SVEP1: variants seen among roughly 807,000 people sequenced by gnomAD.
The protein encoded by SVEP1 is sushi, von Willebrand factor type A, EGF and pentraxin domain-containing protein 1.
In SVEP1, 164 loss-of-function variants were observed where a neutral mutation model predicts 367.3. The ratio of observed to expected loss-of-function variants is 0.45; its 90% confidence interval spans 0.39 to 0.51. The LOEUF (loss-of-function observed/expected upper bound fraction) is 0.51. Ranked by LOEUF, SVEP1 falls within the 20% of genes least tolerant of loss-of-function variation. The pLI is 0.00. For missense variants in SVEP1, 4,117 were observed against 4,425.3 expected (o/e 0.93, Z 1.98); for synonymous variants, 1,666 against 1,611.6 (o/e 1.03, Z -0.81).
chr9:110,423,735 A>G (rs1481834527), intron 36 of SVEP1, among the ~76,000 whole-genome samples: 1 of 152,246 alleles, frequency 6.6e-6, no homozygotes, highest in Non-Finnish European at 1.5e-5. Flanking sequence ...TAAGCAGAAT[A>G]TCTTTGCAAC....
At chr9:110,578,296 T>C (rs2118897267) in intron 1 of SVEP1, among the ~76,000 whole-genome samples, 1 of 152,142 alleles carries the variant, frequency 6.6e-6, no homozygotes. Context: ...AAAGTATGAA[T>C]GGATGTACAT....
chr9:110,502,044 A>G (rs1246424184), intron 6 of SVEP1, among the ~76,000 whole-genome samples: 1 of 151,810 alleles, frequency 6.6e-6, no homozygotes, highest in African/African-American at 2.4e-5. Flanking sequence ...CCTCAAGAAT[A>G]TGAATTGGCT....
At chr9:110,521,005 C>T (rs984935103) in intron 3 of SVEP1, among the ~76,000 whole-genome samples, 11 of 152,214 alleles carry the variant, frequency 7.2e-5, no homozygotes, top group African/African-American at 1.4e-4. Flanking sequence ...AATCTGGGCC[C>T]GCATTCTCTT....
chr9:110,380,074 A>G (rs550288732), intron 43 of SVEP1, among the ~76,000 whole-genome samples: 140 of 152,340 alleles, frequency 9.2e-4, no homozygotes, highest in African/African-American at 3.3e-3. Context: ...TCAAGGTTTC[A>G]TGTTAGTTTT....
At chr9:110,571,168 G>T (rs181215954) in intron 1 of SVEP1, among the ~76,000 whole-genome samples, 367 of 151,812 alleles carry the variant, frequency 2.4e-3, no homozygotes, top group African/African-American at 8.5e-3. Flanking sequence ...GTAGAAATGG[G>T]GTTTCACCAT....
chr9:110,536,247 G>C (rs184821214), intron 3 of SVEP1, among the ~76,000 whole-genome samples: 4 of 151,950 alleles, frequency 2.6e-5, no homozygotes, highest in African/African-American at 9.7e-5. Context: ...TATGTGATGC[G>C]TCACATTTAT....
chr9:110,501,102 T>TATACATATATAAATTATAAAATA (rs1829522326), intron 6 of SVEP1, among the ~76,000 whole-genome samples: 2 of 146,012 alleles, frequency 1.4e-5, no homozygotes, highest in Non-Finnish European at 3.0e-5. Flanking sequence ...ATATAATTAA[T>TATACATATATAAATTATAAAATA]ATACATATAT....
chr9:110,517,027 G>A (rs2118784548), intron 3 of SVEP1, among the ~76,000 whole-genome samples: 1 of 152,210 alleles, frequency 6.6e-6, no homozygotes, highest in African/African-American at 2.4e-5. Flanking sequence ...AAAAACAAAT[G>A]CCAGGAAAAA....
chr9:110,396,544 A>G (rs1298058899), intron 40 of SVEP1, among the ~76,000 whole-genome samples: 1 of 152,160 alleles, frequency 6.6e-6, no homozygotes, highest in Non-Finnish European at 1.5e-5. Flanking sequence ...TCTTCAAAAA[A>G]TTAATGAATC....
Position 110,408,098 on chromosome 9 carries a change from G to A in SVEP1, c.7502C>T (p.Pro2501Leu). The A allele has an allele frequency of 6.2e-7, 1 of 1,613,890 alleles. No homozygotes were observed. Among genetic ancestry groups the A allele is most frequent in the Non-Finnish European group, 8.5e-7 (1 of 1,179,842 alleles). ...GAATTTGCCATTCAAAATCTCCTTGGGTTTCAGGCACTCAATGGCTTTACA... is the reference window on the plus strand; with the variant it reads ...GAATTTGCCATTCAAAATCTCCTTGAGTTTCAGGCACTCAATGGCTTTACA... ...PTCKAIECLK[P>L]KEILNGKFSY... The change falls in exon 38 of 48, where the codon CCC becomes CTC. Residue 2501 changes from proline (P) to leucine (L), a missense_variant. Transcript: ENST00000374469.
rs183499117 is a variant in SVEP1 at position 110,514,171 on chromosome 9, T to C, written c.965-65A>G. The C allele has an allele frequency of 2.4e-5, 38 of 1,554,754 alleles. No individual in the cohort carries two copies. The African/African-American group carries it at 5.0e-4, about 21-fold the overall frequency. On this transcript the variant is annotated intron_variant, in intron 3 of 47. Transcript: ENST00000374469. ...ACATCAGCTGGTAGTTAACAAAACA[T>C]TTGAAATTAATATGGGAGAGAAAGC...
At chr9:110,500,437 G>A (rs959105394) in intron 6 of SVEP1, among the ~76,000 whole-genome samples, 16 of 152,186 alleles carry the variant, frequency 1.1e-4, no homozygotes, top group South Asian at 1.0e-3. Flanking sequence ...TACGGTGAGC[G>A]TGTCTTTAAC....
intron 18 of SVEP1, among the ~76,000 whole-genome samples, chr9:110,460,768 A>T (rs1828846265): frequency 6.6e-6 from 1 of 152,182 alleles, no homozygotes; most frequent in Non-Finnish European, 1.5e-5. Flanking sequence ...AAAAAAAAAA[A>T]AGAAAATTCA....
intron 45 of SVEP1, 121 bp from the exon 46 acceptor site, chr9:110,375,584 A>G: frequency 3.8e-6 from 3 of 788,974 alleles, no homozygotes. Context: ...GAAACCTTAT[A>G]TGACTCACTA....
intron 40 of SVEP1, among the ~76,000 whole-genome samples, chr9:110,399,461 A>G (rs1391060458): frequency 3.9e-5 from 6 of 152,208 alleles, no homozygotes; most frequent in Non-Finnish European, 8.8e-5. Flanking sequence ...CACATTGTGC[A>G]CATGTACCCT....
At chr9:110,565,696 C>A (rs1830483546) in intron 1 of SVEP1, among the ~76,000 whole-genome samples, 1 of 152,048 alleles carries the variant, frequency 6.6e-6, no homozygotes, top group South Asian at 2.1e-4. Context: ...TGACAATCTC[C>A]AAACATCCCC....
intron 3 of SVEP1, among the ~76,000 whole-genome samples, chr9:110,533,151 T>A (rs1334438456): frequency 1.3e-5 from 2 of 152,120 alleles, no homozygotes; most frequent in African/African-American, 4.8e-5. Flanking sequence ...GCCGCTCACC[T>A]CCTGCTATGC....
intron 18 of SVEP1, among the ~76,000 whole-genome samples, chr9:110,462,306 A>C (rs1828869365): frequency 6.6e-6 from 1 of 152,064 alleles, no homozygotes; most frequent in African/African-American, 2.4e-5. Flanking sequence ...CCAACTCATC[A>C]TTGTAATGTC....
At chr9:110,368,579 A>C (rs1276010952) in intron 47 of SVEP1, among the ~76,000 whole-genome samples, 1 of 152,086 alleles carries the variant, frequency 6.6e-6, no homozygotes, top group East Asian at 1.9e-4. Flanking sequence ...AATCATGCAA[A>C]CTCTCTCTGG....
Sources: allele counts gnomAD v4.1 joint callset (sites outside exome capture counted in the v4.1 genomes callset), GRCh38; gene constraint gnomAD v4.1.1; transcripts MANE v1.5; gene names NCBI Gene and HGNC (gene_info 2026-07-23, HGNC 2026-07-21).